Variants in RNF144A observed in about 807,000 individuals in gnomAD.
RNF144A encodes ring finger protein 144A.
RNF144A carries 11 observed loss-of-function variants against 38.7 expected under a neutral mutation model. The observed-to-expected ratio is 0.28, with a 90% CI of 0.18 to 0.47. The LOEUF (loss-of-function observed/expected upper bound fraction) is 0.47. Among genes scored for constraint, RNF144A ranks in the 20% least tolerant of loss-of-function variants. The pLI is 0.99. For synonymous variants in RNF144A, 149 were observed against 143.9 expected, an observed-to-expected ratio of 1.04 and a Z score of -0.25; for missense variants, 316 against 377.2, an observed-to-expected ratio of 0.84 and a Z score of 1.34.
chr2:7,070,295 C>T (rs906174136), downstream of RNF144A, among the ~76,000 whole-genome samples: 5 of 152,106 alleles, frequency 3.3e-5, no homozygotes, highest in Non-Finnish European at 7.4e-5. Context: ...CTCAGCCTCC[C>T]GAGTAGCTGT....
intron 6 of RNF144A, among the ~76,000 whole-genome samples, chr2:7,064,469 T>C (rs1256570412): frequency 2.0e-5 from 3 of 152,174 alleles, no homozygotes; most frequent in Non-Finnish European, 4.4e-5. Flanking sequence ...AGAGGAGAAC[T>C]CTTCTATTGT....
At chr2:7,070,487 G>A (rs150449732), downstream of RNF144A, among the ~76,000 whole-genome samples, 69 of 152,202 alleles carry the variant, frequency 4.5e-4, 2 homozygotes, top group African/African-American at 1.5e-3. Context: ...AGCCTGTTGG[G>A]GATTAAATTG....
rs150748940 is a variant in RNF144A at position 6,942,254 on chromosome 2, C to T, written c.-12+1107C>T. Among the ~76,000 whole-genome samples, 358 of 151,806 alleles carry T rather than the reference C, an allele frequency of 2.4e-3. 2 individuals carry two copies. The highest frequency in any genetic ancestry group is 8.1e-3 in the African/African-American group (335 of 41,368). ...GAGGACAAGGCTAGAATCCAGGAGA[C>T]CATCTCAGAGGACGTTAGAAAGGGC... On this transcript the variant is annotated intron_variant, in intron 2 of 8. Transcript: ENST00000320892.
intron 1 of RNF144A, among the ~76,000 whole-genome samples, chr2:6,940,717 A>G (rs1267440298): frequency 6.6e-6 from 1 of 152,120 alleles, no homozygotes; most frequent in African/African-American, 2.4e-5. Flanking sequence ...ACAGTTTGTT[A>G]TCTCAGAATT....
chr2:7,034,795 AAGG>A (rs1672553709), intron 8 of RNF144A, among the ~76,000 whole-genome samples: 1 of 152,238 alleles, frequency 6.6e-6, no homozygotes, highest in Admixed American at 6.5e-5. Flanking sequence ...AAGTGCTTTG[AAGG>A]AGGAGAGGAC....
In RNF144A at chr2:7,028,518, A is replaced by C. The variant is rs541072811; in HGVS notation, c.658-1608A>C. Among the ~76,000 whole-genome samples the C allele has an allele frequency of 1.8e-4, 28 of 152,348 alleles. No homozygotes were observed. The Middle Eastern group carries it at 0.01, about 56-fold the overall frequency. The stretch of plus-strand genomic sequence containing the variant: ...TCCATGTCTGCTCGCAGAGGTCAGT[A>C]ACCACTTCTCAACTGGGTAGTACAC... On this transcript the variant is annotated intron_variant, in intron 7 of 8. Coordinates refer to ENST00000320892, the MANE Select transcript of RNF144A (RefSeq NM_014746.6).
chr2:7,075,015 C>T, the RNF144A span, among the ~76,000 whole-genome samples: 1 of 152,110 alleles, frequency 6.6e-6, no homozygotes, highest in East Asian at 1.9e-4. Flanking sequence ...TACTTGCATT[C>T]CAGGTACAAT....
intron 2 of RNF144A, among the ~76,000 whole-genome samples, chr2:6,984,250 T>C (rs1173433329): frequency 6.6e-6 from 1 of 152,214 alleles, no homozygotes; most frequent in African/African-American, 2.4e-5. Flanking sequence ...TTCTGTTCAC[T>C]GTTCACATTT....
chr2:7,063,315 T>C (rs749894649), intron 6 of RNF144A, among the ~76,000 whole-genome samples: 2 of 152,198 alleles, frequency 1.3e-5, no homozygotes, highest in Non-Finnish European at 2.9e-5. Context: ...AGCAGCTCTC[T>C]GGATTTTGTC....
intron 2 of RNF144A, among the ~76,000 whole-genome samples, chr2:6,963,182 A>G (rs1667449508): frequency 6.6e-6 from 1 of 152,224 alleles, no homozygotes; most frequent in Non-Finnish European, 1.5e-5. Flanking sequence ...GTCCTCAGGT[A>G]ACATGAACAC....
At chr2:7,022,687 C>G (rs1671613365) in intron 6 of RNF144A, among the ~76,000 whole-genome samples, 1 of 152,184 alleles carries the variant, frequency 6.6e-6, no homozygotes, top group Non-Finnish European at 1.5e-5. Context: ...AAAACCCAAC[C>G]TTGATCACCA....
downstream of RNF144A, among the ~76,000 whole-genome samples, chr2:7,046,277 G>A (rs1268926053): frequency 1.3e-5 from 2 of 152,232 alleles, no homozygotes; most frequent in East Asian, 3.9e-4. Flanking sequence ...ACGACCTGGT[G>A]TTGGCTACTC....
intron 2 of RNF144A, among the ~76,000 whole-genome samples, chr2:6,991,695 G>A (rs1441450938): frequency 1.2e-4 from 18 of 152,136 alleles, no homozygotes; most frequent in Admixed American, 1.2e-3. Flanking sequence ...TCATTGTGCA[G>A]AGAAATGAAG....
Position 7,040,089 on chromosome 2 carries a change from T to C in RNF144A, c.*329T>C. The C allele has an allele frequency of 2.9e-6, 3 of 1,048,612 alleles. No homozygotes were observed. The highest frequency in any genetic ancestry group is 2.3e-6 in the Non-Finnish European group (2 of 870,862). 65.0% of individuals were successfully genotyped at this position (1,048,612 alleles called of 1,614,324 possible). ...TGTCTGGGGATGGCCTAAGAGACTT[T>C]CTGCTCCTTGGCTTCTAGATGGCAC... On this transcript the variant is annotated 3_prime_UTR_variant, in exon 9 of 9. Transcript: ENST00000320892.
At chr2:7,036,321 A>G (rs1003693144) in intron 8 of RNF144A, among the ~76,000 whole-genome samples, 2 of 152,212 alleles carry the variant, frequency 1.3e-5, no homozygotes, top group African/African-American at 4.8e-5. Context: ...ACCCCAGTCC[A>G]TCTTTGATAA....
chr2:7,040,448 G>A lies in RNF144A; in HGVS notation c.*688G>A, dbSNP rs1442446470. ...CGCTGTAAGCTGTGTACTGTTATAA[G>A]TGTGCTTCCTATATTGTTGCATTTC... On this transcript the variant is annotated 3_prime_UTR_variant, in exon 9 of 9. Coordinates refer to ENST00000320892, the MANE Select transcript of RNF144A (RefSeq NM_014746.6). 8 of 985,268 alleles carry A rather than the reference G, an allele frequency of 8.1e-6. No homozygotes were observed. The highest frequency in any genetic ancestry group is 4.7e-5 in the South Asian group (1 of 21,288). 61.0% of individuals were successfully genotyped at this position (985,268 alleles called of 1,614,324 possible).
At chr2:7,022,716 T>A (rs1671614998) in intron 6 of RNF144A, among the ~76,000 whole-genome samples, 1 of 152,248 alleles carries the variant, frequency 6.6e-6, no homozygotes, top group Admixed American at 6.5e-5. Context: ...GTCTCATGAC[T>A]TCCAGCTTTT....
intron 1 of RNF144A, among the ~76,000 whole-genome samples, chr2:6,924,552 C>A (rs987626628): frequency 6.6e-6 from 1 of 152,134 alleles, no homozygotes. Context: ...AGACCCAGGA[C>A]GGGCAGGGTT....
chr2:7,023,387 A>C (rs1021496775), intron 6 of RNF144A, among the ~76,000 whole-genome samples: 1 of 152,204 alleles, frequency 6.6e-6, no homozygotes, highest in African/African-American at 2.4e-5. Context: ...GAATTTGCTC[A>C]ACTGCCGTGA....
Sources: allele counts gnomAD v4.1 joint callset (sites outside exome capture counted in the v4.1 genomes callset), GRCh38; gene constraint gnomAD v4.1.1; transcripts MANE v1.5; gene names NCBI Gene and HGNC (gene_info 2026-07-23, HGNC 2026-07-21).